ACAD9: variants seen among roughly 807,000 people sequenced by gnomAD.
ACAD9 encodes complex I assembly factor ACAD9, mitochondrial.
In ACAD9, 53 loss-of-function variants were observed where a neutral mutation model predicts 70.2. The observed-to-expected ratio is 0.75, with a 90% confidence interval of 0.61 to 0.95. The LOEUF (loss-of-function observed/expected upper bound fraction) is 0.95. Ranked by LOEUF, ACAD9 falls within the 40% of genes least tolerant of loss-of-function variation. ACAD9 has a pLI of 0.00. For missense variants in ACAD9, 777 were observed against 802.8 expected (o/e 0.97, Z 0.39); for synonymous variants, 313 against 312.1 (o/e 1.00, Z -0.03).
chr3:128,908,111 T>C, intron 12 of ACAD9, 74 bp from the exon 13 acceptor site: 1 of 1,429,108 alleles, frequency 7.0e-7, no homozygotes, highest in Non-Finnish European at 9.8e-7. Flanking sequence ...TGGCCGGCTC[T>C]ACCCAGCACA....
intron 8 of ACAD9, 28 bp downstream of exon 8, chr3:128,901,377 C>T (rs747349957): frequency 6.2e-7 from 1 of 1,612,796 alleles, no homozygotes. Context: ...GCCCCTTGTA[C>T]CAGGTAGTGT....
At chr3:128,908,322 G>T in intron 13 of ACAD9, 58 bp downstream of exon 13, 1 of 1,590,874 alleles carries the variant, frequency 6.3e-7, no homozygotes. Flanking sequence ...GCAGGGGCCA[G>T]TCCAGGGCAG....
intron 2 of ACAD9, among the ~76,000 whole-genome samples, chr3:128,888,926 G>T: frequency 2.0e-5 from 3 of 147,548 alleles, no homozygotes; most frequent in South Asian, 2.1e-4. Flanking sequence ...GTTTAATTAA[G>T]GAATAATTGA....
intron 7 of ACAD9, among the ~76,000 whole-genome samples, chr3:128,900,437 A>G (rs979642514): frequency 1.3e-4 from 19 of 149,484 alleles, no homozygotes; most frequent in African/African-American, 4.5e-4. Flanking sequence ...ATGGGGTTTC[A>G]CCATGTTAGC....
At position 128,909,020 on chromosome 3, in the gene ACAD9, G is replaced by T. The variant is rs200824675; in HGVS notation, c.1406G>T (p.Arg469Leu). The T allele has an allele frequency of 1.8e-5, 29 of 1,614,164 alleles. No homozygotes were observed. The highest frequency in any genetic ancestry group is 2.5e-5 in the Non-Finnish European group (29 of 1,180,028). The change falls in exon 14 of 18, where the codon CGG becomes CTG. Residue 469 changes from arginine to leucine, a missense_variant. Arg to Leu is a moderately radical substitution (Grantham distance 102, BLOSUM62 -2). Coordinates refer to ENST00000308982, the MANE Select transcript of ACAD9 (RefSeq NM_014049.5). ...KVSTVMDTVGRRLRDSLGRTV... is the reference protein window; with the variant it reads ...KVSTVMDTVGLRLRDSLGRTV... Reference sequence around the variant, plus strand: ...AGCACAGTCATGGATACCGTTGGCCGGAGGCTTCGGGACTCCCTGGGCCGA... The same window carrying T: ...AGCACAGTCATGGATACCGTTGGCCTGAGGCTTCGGGACTCCCTGGGCCGA...
intron 11 of ACAD9, among the ~76,000 whole-genome samples, chr3:128,905,096 C>T (rs766859551): frequency 2.6e-5 from 4 of 151,848 alleles, no homozygotes; most frequent in Non-Finnish European, 4.4e-5. Flanking sequence ...TGCAGTGAGC[C>T]GAGGTTGTGC....
intron 1 of ACAD9, among the ~76,000 whole-genome samples, chr3:128,881,681 A>G (rs1344583655): frequency 1.3e-5 from 2 of 152,230 alleles, no homozygotes; most frequent in Non-Finnish European, 2.9e-5. Context: ...TACTTGACCC[A>G]TCATTGGCAT....
intron 6 of ACAD9, chr3:128,898,354 G>T (rs548127507): frequency 6.8e-5 from 29 of 427,204 alleles, no homozygotes; most frequent in African/African-American, 4.9e-4. Flanking sequence ...GTTTGTTTTT[G>T]TTTTTTAATA....
At chr3:128,882,740 T>C (rs1935129374) in intron 1 of ACAD9, among the ~76,000 whole-genome samples, 1 of 152,266 alleles carries the variant, frequency 6.6e-6, no homozygotes. Flanking sequence ...GTTTCTGCAC[T>C]AGATTTCTTT....
In ACAD9 at chr3:128,902,770, G is replaced by T; in HGVS notation, c.958+142G>T. 1 of 949,748 alleles carries T rather than the reference G, an allele frequency of 1.1e-6. No individual in the cohort carries two copies. The highest frequency in any genetic ancestry group is 1.7e-6 in the Non-Finnish European group (1 of 603,336). The allele number at this position is 949,748 out of a possible 1,614,324, so 58.8% of individuals were successfully genotyped here. On this transcript the variant is annotated intron_variant, in intron 9 of 17. Coordinates refer to ENST00000308982, the MANE Select transcript of ACAD9 (RefSeq NM_014049.5). This position sits in a 1 kb window ranked among gnomAD's most constrained non-coding sequence, Gnocchi z 4.0. ...GCCTGAGCTCAGTCCCTGGGCTTTT[G>T]TGGAGACCAGAGGGTCTCCTCAGCC...
At position 128,906,161 on chromosome 3, in the gene ACAD9, C is replaced by T. The variant is rs768894091; in HGVS notation, c.1190C>T (p.Ala397Val). ...GCCGCCTGGCAGTGTGTGAGTGAGG[C>T]GCTGCAGATCCTCGGGGGCTTGGGC... ...SEAAWQCVSE[A>V]LQILGGLGYT... The change falls in exon 12 of 18, where the codon GCG becomes GTG. Residue 397 changes from alanine to valine, a missense_variant. Physicochemically the swap from Ala to Val is moderately conservative, Grantham distance 64. Coordinates refer to ENST00000308982, the MANE Select transcript of ACAD9 (RefSeq NM_014049.5). The T allele has an allele frequency of 4.0e-5, 65 of 1,614,186 alleles. No homozygotes were observed. Among genetic ancestry groups the T allele is most frequent in the East Asian group, 1.1e-4 (5 of 44,884 alleles).
intron 5 of ACAD9, 130 bp from the exon 6 acceptor site, chr3:128,897,502 G>T: frequency 1.3e-6 from 1 of 792,638 alleles, no homozygotes. Context: ...AGCTGAATAT[G>T]TTATCTGACC....
intron 14 of ACAD9, 98 bp from the exon 15 acceptor site, chr3:128,909,245 TC>T (rs1936026404): frequency 1.9e-6 from 3 of 1,598,064 alleles, no homozygotes; most frequent in Non-Finnish European, 2.6e-6. Flanking sequence ...CTGGATTGCT[TC>T]CCCCAGATGG....
chr3:128,897,747 G>T (rs1935607281), intron 6 of ACAD9, 37 bp downstream of exon 6: 1 of 1,587,902 alleles, frequency 6.3e-7, no homozygotes, highest in South Asian at 1.1e-5. Context: ...TAGGGTCTCA[G>T]TCACAACCTT....
chr3:128,911,335 G>A (rs977910913), intron 17 of ACAD9, among the ~76,000 whole-genome samples: 1 of 152,190 alleles, frequency 6.6e-6, no homozygotes, highest in Non-Finnish European at 1.5e-5. Context: ...TGGGATTACA[G>A]GCATGAGCCA....
intron 11 of ACAD9, among the ~76,000 whole-genome samples, chr3:128,904,905 G>A (rs1386250963): frequency 1.3e-5 from 2 of 152,166 alleles, no homozygotes; most frequent in African/African-American, 4.8e-5. Flanking sequence ...AGCACTTTGG[G>A]GGGCCGAGGT....
At chr3:128,897,814 A>G (rs1437932420) in intron 6 of ACAD9, 104 bp downstream of exon 6, 9 of 1,051,326 alleles carry the variant, frequency 8.6e-6, no homozygotes, top group Non-Finnish European at 1.3e-5. Flanking sequence ...CTGCTGTAGC[A>G]CCGACTACCT....
chr3:128,905,365 A>G (rs1441500820), intron 11 of ACAD9, among the ~76,000 whole-genome samples: 1 of 152,168 alleles, frequency 6.6e-6, no homozygotes, highest in African/African-American at 2.4e-5. Flanking sequence ...TTTTAGCTGT[A>G]ATAAAAAAGA....
In ACAD9 at chr3:128,899,527, T is replaced by C. The variant is rs1000108064; in HGVS notation, c.808+66T>C. 8.3e-6 allele frequency: 7 copies of C among 846,944 alleles called. No individual in the cohort carries two copies. The African/African-American group carries it at 1.3e-4, about 15-fold the overall frequency. The allele number at this position is 846,944 out of a possible 1,614,324, so 52.5% of individuals were successfully genotyped here. ...AGGGGGAGACTGGCCTTTGACGGTG[T>C]GTGTGTGTGTGTGTGTGTGTGTGTG... On this transcript the variant is annotated intron_variant, in intron 7 of 17. Coordinates refer to ENST00000308982, the MANE Select transcript of ACAD9 (RefSeq NM_014049.5).
Sources: allele counts gnomAD v4.1 joint callset (sites outside exome capture counted in the v4.1 genomes callset), GRCh38; gene constraint gnomAD v4.1.1; non-coding constraint Gnocchi (gnomAD v3.1); transcripts MANE v1.5; gene names NCBI Gene and HGNC (gene_info 2026-07-23, HGNC 2026-07-21).